The following MACROD2 variants were observed in gnomAD, a reference collection of about 807,000 sequenced individuals.
The protein encoded by MACROD2 is ADP-ribose glycohydrolase MACROD2.
In MACROD2, 36 loss-of-function variants were observed where a neutral mutation model predicts 70.4. The ratio of observed to expected loss-of-function variants is 0.51; its 90% CI spans 0.39 to 0.68. MACROD2 has a LOEUF of 0.68. MACROD2 is among the 30% of genes least tolerant of loss of function. The probability of loss-of-function intolerance (pLI) is 0.00; values close to 1 mark genes in which losing one functional copy is unlikely to be tolerated. For synonymous variants in MACROD2, 172 were observed against 178.8 expected, an observed-to-expected ratio of 0.96 and a Z score of 0.30; for missense variants, 496 against 538.4, an observed-to-expected ratio of 0.92 and a Z score of 0.78.
chr20:15,665,821 T>C (rs2049889541), intron 8 of MACROD2, among the ~76,000 whole-genome samples: 1 of 152,204 alleles, frequency 6.6e-6, no homozygotes, highest in African/African-American at 2.4e-5. Context: ...TCCCCACTTC[T>C]GGGTGCCCCA....
chr20:15,713,257 G>A (rs1662146398), intron 8 of MACROD2, among the ~76,000 whole-genome samples: 1 of 152,138 alleles, frequency 6.6e-6, no homozygotes. Flanking sequence ...AAAGACCATT[G>A]CTATACAAGA....
chr20:14,287,178 C>T (rs8125466), intron 3 of MACROD2, among the ~76,000 whole-genome samples: 2,294 of 152,220 alleles, frequency 0.015, 24 homozygotes, highest in African/African-American at 0.027. Context: ...GAGGCAAATT[C>T]TTAGAATGGA....
chr20:15,742,424 G>C (rs1208146851), intron 8 of MACROD2, among the ~76,000 whole-genome samples: 2 of 152,120 alleles, frequency 1.3e-5, no homozygotes, highest in African/African-American at 4.8e-5. Flanking sequence ...ACTTATTTTT[G>C]ATCTAAATTA....
intron 5 of MACROD2, among the ~76,000 whole-genome samples, chr20:14,773,658 A>G (rs1005810886): frequency 6.6e-6 from 1 of 152,056 alleles, no homozygotes; most frequent in African/African-American, 2.4e-5. Context: ...TCATCACAAT[A>G]TGCCTCAAGT....
intron 5 of MACROD2, among the ~76,000 whole-genome samples, chr20:14,918,568 A>T (rs1406742198): frequency 6.7e-6 from 1 of 149,902 alleles, no homozygotes; most frequent in Admixed American, 6.7e-5. Context: ...CTCTAAAGTC[A>T]TCTGCAATCA....
At chr20:14,439,173 G>C (rs2084092646) in intron 3 of MACROD2, among the ~76,000 whole-genome samples, 1 of 151,996 alleles carries the variant, frequency 6.6e-6, no homozygotes, top group African/African-American at 2.4e-5. Flanking sequence ...TTTCCTCTTT[G>C]CGTCCAGTTG....
chr20:14,228,113 G>A (rs1042979064), intron 3 of MACROD2, among the ~76,000 whole-genome samples: 1 of 151,814 alleles, frequency 6.6e-6, no homozygotes, highest in Middle Eastern at 3.2e-3. Context: ...AGGGAAAAGA[G>A]CATCATTCTG....
chr20:14,926,801 T>A (rs1000502917), intron 5 of MACROD2, among the ~76,000 whole-genome samples: 1 of 152,070 alleles, frequency 6.6e-6, no homozygotes, highest in East Asian at 1.9e-4. Context: ...TTGCCACCTG[T>A]ATAGTGGGCT....
At chr20:15,125,710 G>A (rs939405330) in intron 5 of MACROD2, among the ~76,000 whole-genome samples, 1 of 151,838 alleles carries the variant, frequency 6.6e-6, no homozygotes, top group Admixed American at 6.6e-5. Flanking sequence ...TTTACATATA[G>A]TAATACTCAC....
At chr20:14,176,744 G>A (rs1208782288) in intron 3 of MACROD2, among the ~76,000 whole-genome samples, 2 of 151,996 alleles carry the variant, frequency 1.3e-5, no homozygotes, top group East Asian at 3.9e-4. Flanking sequence ...TTTTATCTTG[G>A]TTTTGAGGAG....
At chr20:14,504,229 C>T (rs1292636299) in intron 4 of MACROD2, among the ~76,000 whole-genome samples, 1 of 152,178 alleles carries the variant, frequency 6.6e-6, no homozygotes, top group Non-Finnish European at 1.5e-5. Context: ...TAATAACTAA[C>T]GTTTATGGGG....
chr20:14,661,786 G>T lies in MACROD2; in HGVS notation c.302-23057G>T, dbSNP rs1366388082. Among the ~76,000 whole-genome samples the T allele has an allele frequency of 5.2e-5, 7 of 134,732 alleles. No individual in the cohort carries two copies. In the South Asian group the frequency reaches 1.5e-3, roughly 29 times the overall value. 88.4% of individuals were successfully genotyped at this position (134,732 alleles called of 152,430 possible). ...AAATGTATGAATTTGAGCAATGAAA[G>T]AAAACATCTCAATTCTTTTCAAAAA... On this transcript the variant is annotated intron_variant, in intron 4 of 17. Transcript: ENST00000684519.
intron 8 of MACROD2, among the ~76,000 whole-genome samples, chr20:15,804,705 G>A (rs1480346609): frequency 1.3e-5 from 2 of 152,104 alleles, no homozygotes; most frequent in Non-Finnish European, 2.9e-5. Flanking sequence ...ATGTGTCAGT[G>A]CTTACCTATA....
At chr20:15,499,000 A>G (rs1476052395) in intron 7 of MACROD2, among the ~76,000 whole-genome samples, 2 of 152,186 alleles carry the variant, frequency 1.3e-5, no homozygotes, top group Non-Finnish European at 2.9e-5. Flanking sequence ...TGCTCTGTAA[A>G]TATATACATT....
chr20:14,277,201 G>C (rs966949757), intron 3 of MACROD2, among the ~76,000 whole-genome samples: 9 of 152,156 alleles, frequency 5.9e-5, no homozygotes, highest in African/African-American at 2.2e-4. Context: ...TGTAATCCCA[G>C]CACTTTGGGA....
intron 15 of MACROD2, among the ~76,000 whole-genome samples, chr20:16,028,359 A>AT (rs2067108208): frequency 6.7e-6 from 1 of 149,922 alleles, no homozygotes; most frequent in African/African-American, 2.5e-5. Context: ...CCCAGAACAT[A>AT]ATAGGCATTG....
chr20:14,495,140 T>C (rs1285167539), intron 4 of MACROD2, among the ~76,000 whole-genome samples: 3 of 152,024 alleles, frequency 2.0e-5, no homozygotes, highest in Non-Finnish European at 4.4e-5. Context: ...GTAAAAAACA[T>C]TAAAATCCAC....
At chr20:14,067,928 C>G (rs896056226) in intron 2 of MACROD2, among the ~76,000 whole-genome samples, 1 of 152,186 alleles carries the variant, frequency 6.6e-6, no homozygotes, top group South Asian at 2.1e-4. Flanking sequence ...ATTGATCTCT[C>G]TGTGTCTCAG....
chr20:15,734,705 G>A (rs1173019542), intron 8 of MACROD2, among the ~76,000 whole-genome samples: 1 of 151,988 alleles, frequency 6.6e-6, no homozygotes, highest in Non-Finnish European at 1.5e-5. Context: ...TATAATTTCT[G>A]GCATATGTGT....
Sources: gnomAD v4.1 joint callset for allele counts (sites outside exome capture counted in the v4.1 genomes callset) on GRCh38, gnomAD v4.1.1 for gene constraint, MANE v1.5 for transcripts, NCBI Gene and HGNC (gene_info 2026-07-23, HGNC 2026-07-21) for gene names.